The following OR3A2 variants were observed in gnomAD, a reference collection of about 807,000 sequenced individuals.
The protein encoded by OR3A2 is olfactory receptor 3A2.
For synonymous variants in OR3A2, 126 were observed against 159.3 expected (o/e 0.79, Z 1.57); for missense variants, 318 against 392.8 (o/e 0.81, Z 1.61).
At chr17:3,375,157 T>TC (rs2049669559) in intron 2 of OR3A2, among the ~76,000 whole-genome samples, 1 of 123,448 alleles carries the variant, frequency 8.1e-6, no homozygotes, top group Non-Finnish European at 1.7e-5. Flanking sequence ...TTTTTTTTTT[T>TC]TTTTTTTTTT....
upstream of OR3A2, among the ~76,000 whole-genome samples, chr17:3,286,383 C>T (rs2048812844): frequency 6.6e-6 from 1 of 152,094 alleles, no homozygotes. Context: ...CATACATGTG[C>T]ATGTGTCTTT....
chr17:3,361,881 T>G, intron 2 of OR3A2, among the ~76,000 whole-genome samples: 1 of 151,590 alleles, frequency 6.6e-6, no homozygotes, highest in Non-Finnish European at 1.5e-5. Context: ...AATTCTCTTT[T>G]TTTGTTGTGT....
intron 3 of OR3A2, among the ~76,000 whole-genome samples, chr17:3,326,191 T>A (rs543520881): frequency 2.4e-4 from 37 of 152,244 alleles, no homozygotes; most frequent in South Asian, 1.4e-3. Flanking sequence ...AGTCTATCAT[T>A]GATGGGCATC....
At chr17:3,371,898 G>A (rs554128577) in intron 2 of OR3A2, among the ~76,000 whole-genome samples, 61 of 146,400 alleles carry the variant, frequency 4.2e-4, no homozygotes, top group African/African-American at 1.2e-3. Context: ...CCTCCCTCCC[G>A]GACGGGGCGG....
intron 3 of OR3A2, among the ~76,000 whole-genome samples, chr17:3,321,312 A>G (rs987830277): frequency 6.6e-6 from 1 of 152,172 alleles, no homozygotes; most frequent in African/African-American, 2.4e-5. Flanking sequence ...ATATACAATC[A>G]TGTCATCTGC....
rs557899098 is a variant in OR3A2, at chr17:3,369,544, T to A, written c.-179+14260A>T. 8.5e-5 allele frequency among the ~76,000 whole-genome samples: 13 copies of A among 152,342 alleles called. No homozygotes were observed. The South Asian group carries it at 2.3e-3, about 27-fold the overall frequency. ...CATGGTGTATTCATTTATTGACTTA[T>A]GTATGTTAAACCATCCTTGCATCCC... On this transcript the variant is annotated intron_variant, in intron 2 of 4. Transcript: ENST00000573491.
chr17:3,287,305 C>T (rs231675), upstream of OR3A2, among the ~76,000 whole-genome samples: 73,949 of 147,856 alleles, frequency 0.5, 19,896 homozygotes, highest in East Asian at 0.93. Flanking sequence ...TTAGGGTTCC[C>T]ATCACTCAAA....
chr17:3,305,958 A>T (rs927564682), intron 3 of OR3A2, among the ~76,000 whole-genome samples: 2 of 152,210 alleles, frequency 1.3e-5, no homozygotes, highest in African/African-American at 4.8e-5. Flanking sequence ...CCTGAAAAAT[A>T]GTACTGTGCT....
chr17:3,354,578 T>G (rs2049448806), intron 2 of OR3A2, among the ~76,000 whole-genome samples: 1 of 151,380 alleles, frequency 6.6e-6, no homozygotes. Context: ...CTAATGATCC[T>G]TCAAAGTTCC....
intron 2 of OR3A2, among the ~76,000 whole-genome samples, chr17:3,352,351 C>A (rs1052214010): frequency 5.3e-5 from 8 of 151,774 alleles, no homozygotes; most frequent in Non-Finnish European, 1.2e-4. Flanking sequence ...TGAAGAGTTA[C>A]CCCAATGTTT....
upstream of OR3A2, among the ~76,000 whole-genome samples, chr17:3,285,244 C>G (rs1353198173): frequency 6.6e-6 from 1 of 152,100 alleles, no homozygotes; most frequent in Non-Finnish European, 1.5e-5. Context: ...CATTCCCTCG[C>G]CTAAGAGAGA....
At chr17:3,364,121 CAA>C (rs1472926544) in intron 2 of OR3A2, among the ~76,000 whole-genome samples, 3 of 152,160 alleles carry the variant, frequency 2.0e-5, no homozygotes, top group Middle Eastern at 3.4e-3. Context: ...AATTTACAGA[CAA>C]AGTGTTAGAA....
chr17:3,319,038 G>C (rs528027552), intron 3 of OR3A2, among the ~76,000 whole-genome samples: 1 of 152,130 alleles, frequency 6.6e-6, no homozygotes, highest in East Asian at 1.9e-4. Context: ...AACCTCCATT[G>C]CTTTTACCTG....
intron 2 of OR3A2, among the ~76,000 whole-genome samples, chr17:3,374,744 G>C (rs965019505): frequency 6.6e-6 from 1 of 152,080 alleles, no homozygotes; most frequent in Non-Finnish European, 1.5e-5. Flanking sequence ...TTTGGGAACA[G>C]GTGATGTTTC....
chr17:3,302,018 T>G (rs2150626715), intron 3 of OR3A2, among the ~76,000 whole-genome samples: 1 of 152,126 alleles, frequency 6.6e-6, no homozygotes, highest in Non-Finnish European at 1.5e-5. Flanking sequence ...ATAAAATACC[T>G]AGGAATCCAA....
At chr17:3,344,610 T>C (rs967923838) in intron 2 of OR3A2, among the ~76,000 whole-genome samples, 2 of 152,214 alleles carry the variant, frequency 1.3e-5, no homozygotes, top group African/African-American at 2.4e-5. Context: ...CTGCCACTTA[T>C]AGTCATATCC....
At chr17:3,346,814 T>A (rs890170385) in intron 2 of OR3A2, among the ~76,000 whole-genome samples, 1 of 152,192 alleles carries the variant, frequency 6.6e-6, no homozygotes, top group African/African-American at 2.4e-5. Flanking sequence ...GTGCCTGGCT[T>A]ATTCACTCAA....
chr17:3,326,420 G>C (rs2150638911), intron 3 of OR3A2, among the ~76,000 whole-genome samples: 1 of 152,130 alleles, frequency 6.6e-6, no homozygotes, highest in South Asian at 2.1e-4. Context: ...CGGGAAGTCA[G>C]GGACCCCAAA....
At chr17:3,366,542 A>G (rs555170910) in intron 2 of OR3A2, among the ~76,000 whole-genome samples, 1 of 152,272 alleles carries the variant, frequency 6.6e-6, no homozygotes, top group East Asian at 1.9e-4. Flanking sequence ...GAAAAGCTTC[A>G]CTGGGCAACA....
Sources: gnomAD v4.1 joint callset for allele counts (sites outside exome capture counted in the v4.1 genomes callset) on GRCh38, gnomAD v4.1.1 for gene constraint, MANE v1.5 for transcripts, NCBI Gene and HGNC (gene_info 2026-07-23, HGNC 2026-07-21) for gene names.